SCP2: variants seen among roughly 807,000 people sequenced by gnomAD.
SCP2 encodes SCP-2/3-oxoacyl-CoA thiolase.
SCP2 carries 48 observed loss-of-function variants against 71.4 expected under a neutral mutation model. The observed-to-expected ratio is 0.67, with a 90% CI of 0.53 to 0.86. The LOEUF (loss-of-function observed/expected upper bound fraction) is 0.86. SCP2 is among the 40% of genes least tolerant of loss of function. SCP2 has a pLI of 0.00. For missense variants in SCP2, 560 were observed against 655.6 expected (o/e 0.85, Z 1.59); for synonymous variants, 220 against 218.1 (o/e 1.01, Z -0.08).
chr1:53,011,429 T>C (rs1660983446), intron 11 of SCP2, among the ~76,000 whole-genome samples: 2 of 152,240 alleles, frequency 1.3e-5, no homozygotes, highest in Admixed American at 1.3e-4. Flanking sequence ...TCCTCTGTTA[T>C]CTTTAACATT....
rs543808901 is a variant in SCP2 at position 53,006,867 on chromosome 1, T to C, written c.1082-8023T>C. ...GATAAAGAGTCAAGACCCATCAGTGTGCTGTATTCAGGAGACCCATCTCAC... is the reference window on the plus strand; with the variant it reads ...GATAAAGAGTCAAGACCCATCAGTGCGCTGTATTCAGGAGACCCATCTCAC... On this transcript the variant is annotated intron_variant, in intron 11 of 15. Transcript: ENST00000371514. 3.6e-3 allele frequency among the ~76,000 whole-genome samples: 555 copies of C among 152,196 alleles called. 8 individuals are homozygous for C. Among genetic ancestry groups the C allele is most frequent in the African/African-American group, 0.013 (536 of 41,504 alleles).
At chr1:52,937,245 TATCTG>T (rs2150104423) in intron 1 of SCP2, among the ~76,000 whole-genome samples, 1 of 152,264 alleles carries the variant, frequency 6.6e-6, no homozygotes, top group East Asian at 1.9e-4. Context: ...TAACAAGAAA[TATCTG>T]AAAGAATTGA....
At chr1:53,006,726 G>A (rs1486395414) in intron 11 of SCP2, among the ~76,000 whole-genome samples, 1 of 146,476 alleles carries the variant, frequency 6.8e-6, no homozygotes, top group Non-Finnish European at 1.5e-5. Context: ...ATCAACTAAT[G>A]AGCAAAATAA....
At chr1:52,946,349 T>C (rs1654794543) in intron 2 of SCP2, among the ~76,000 whole-genome samples, 1 of 151,942 alleles carries the variant, frequency 6.6e-6, no homozygotes, top group Non-Finnish European at 1.5e-5. Context: ...TCTCTTCAGC[T>C]TCCCAAGTAC....
chr1:52,960,125 C>T (rs566021104), intron 5 of SCP2, among the ~76,000 whole-genome samples: 11 of 152,134 alleles, frequency 7.2e-5, no homozygotes, highest in African/African-American at 1.2e-4. Flanking sequence ...CTCCTGACCT[C>T]GTGATCCGCC....
chr1:52,988,120 C>T lies in SCP2; in HGVS notation c.1065C>T (p.His355=). Residue 355 remains histidine (H), a synonymous_variant, in exon 11 of 16, where the codon CAC becomes CAT. Transcript: ENST00000371514. The part of the protein sequence containing the change: ...NPSGGLISKG[H]PLGATGLAQC... ...GTGGTGGACTGATTTCAAAGGGACA[C>T]CCACTAGGCGCTACAGGTAATGCTA... is the stretch of plus-strand genomic sequence containing the variant. 2 of 1,560,956 alleles carry T rather than the reference C, an allele frequency of 1.3e-6. No individual in the cohort carries two copies. The highest frequency in any genetic ancestry group is 1.8e-6 in the Non-Finnish European group (2 of 1,131,930).
chr1:52,960,682 A>T (rs570308807), intron 5 of SCP2, among the ~76,000 whole-genome samples: 54 of 146,550 alleles, frequency 3.7e-4, no homozygotes, highest in African/African-American at 1.3e-3. Flanking sequence ...GTGTATATAT[A>T]TGTATATATG....
chr1:52,993,803 T>A, intron 11 of SCP2: 2 of 1,538,178 alleles, frequency 1.3e-6, no homozygotes, highest in Non-Finnish European at 1.8e-6. Flanking sequence ...CAAGAGGTAA[T>A]CAATATCCTG....
chr1:52,999,142 A>T (rs897064372), intron 11 of SCP2, among the ~76,000 whole-genome samples: 11 of 152,198 alleles, frequency 7.2e-5, no homozygotes, highest in African/African-American at 1.4e-4. Context: ...CTGAATAGGG[A>T]TGAGGAATTA....
intron 6 of SCP2, among the ~76,000 whole-genome samples, chr1:52,974,238 T>A (rs1237138974): frequency 6.6e-6 from 1 of 152,182 alleles, no homozygotes; most frequent in African/African-American, 2.4e-5. Flanking sequence ...CTGTACTTTT[T>A]TTTGTTTTCC....
intron 15 of SCP2, 30 bp from the exon 16 acceptor site, chr1:53,050,579 C>T (rs763235925): frequency 3.5e-6 from 5 of 1,437,308 alleles, no homozygotes; most frequent in Non-Finnish European, 3.9e-6. Context: ...AAAAAAACAC[C>T]AAGTAATGAA....
At chr1:52,935,987 T>A (rs1572044401) in intron 1 of SCP2, among the ~76,000 whole-genome samples, 1 of 152,110 alleles carries the variant, frequency 6.6e-6, no homozygotes, top group East Asian at 1.9e-4. Context: ...CTTTTCCAAC[T>A]ACATGTCTGT....
At chr1:52,971,845 T>G (rs1657527384) in intron 6 of SCP2, among the ~76,000 whole-genome samples, 1 of 152,202 alleles carries the variant, frequency 6.6e-6, no homozygotes, top group South Asian at 2.1e-4. Context: ...ATGACCAGTT[T>G]TTACACAGAA....
intron 10 of SCP2, among the ~76,000 whole-genome samples, chr1:52,980,824 C>T (rs1658419100): frequency 6.6e-6 from 1 of 152,184 alleles, no homozygotes; most frequent in African/African-American, 2.4e-5. Context: ...CTCCATCTTT[C>T]TTATGCTTAT....
chr1:53,015,066 T>A, intron 12 of SCP2, 23 bp downstream of exon 12: 1 of 1,611,096 alleles, frequency 6.2e-7, no homozygotes, highest in Non-Finnish European at 8.5e-7. Flanking sequence ...CAGAGTTTTG[T>A]GTGTCAGTTA....
At chr1:52,987,999 T>C (rs2150186458) in intron 10 of SCP2, 30 bp from the exon 11 acceptor site, 2 of 1,065,682 alleles carry the variant, frequency 1.9e-6, no homozygotes, top group Non-Finnish European at 1.5e-6. Context: ...TTACTATTAA[T>C]ATTTGTGAAT....
chr1:52,983,019 A>C (rs2150178509), intron 10 of SCP2, among the ~76,000 whole-genome samples: 1 of 152,300 alleles, frequency 6.6e-6, no homozygotes, highest in East Asian at 1.9e-4. Flanking sequence ...ATTTTTTATA[A>C]AGCAGATCTT....
intron 1 of SCP2, among the ~76,000 whole-genome samples, chr1:52,939,656 T>C (rs879628431): frequency 6.6e-6 from 1 of 152,206 alleles, no homozygotes; most frequent in Non-Finnish European, 1.5e-5. Context: ...TTCATATGTG[T>C]ATTGTGTGTG....
At chr1:52,996,615 ACT>A (rs1287251142) in intron 11 of SCP2, among the ~76,000 whole-genome samples, 1 of 151,796 alleles carries the variant, frequency 6.6e-6, no homozygotes, top group Non-Finnish European at 1.5e-5. Flanking sequence ...GGTCTGCCCC[ACT>A]CTGTCAAGTG....
Sources: gnomAD v4.1 joint callset for allele counts (sites outside exome capture counted in the v4.1 genomes callset) on GRCh38, gnomAD v4.1.1 for gene constraint, MANE v1.5 for transcripts, NCBI Gene and HGNC (gene_info 2026-07-23, HGNC 2026-07-21) for gene names.